The following ENDOV variants were observed in gnomAD, a reference collection of about 807,000 sequenced individuals.
ENDOV encodes endonuclease V.
A neutral mutation model predicts 39.4 loss-of-function variants in ENDOV; 37 were observed. The ratio of observed to expected loss-of-function variants is 0.94; its 90% CI spans 0.72 to 1.23. The LOEUF is 1.23. ENDOV is among the 50% of genes most tolerant of loss of function. ENDOV has a pLI of 0.00. For missense variants in ENDOV, 441 were observed against 375.7 expected (o/e 1.17, Z -1.44); for synonymous variants, 186 against 163.4 (o/e 1.14, Z -1.05).
intron 5 of ENDOV, chr17:80,423,840 C>T: frequency 1.8e-6 from 1 of 565,722 alleles, no homozygotes; most frequent in Admixed American, 3.2e-5. Flanking sequence ...TCCTCTCCTG[C>T]CTCCTGGGTG....
intron 2 of ENDOV, chr17:80,418,540 T>C (rs966482673): frequency 1.3e-5 from 2 of 152,220 alleles, no homozygotes; most frequent in Admixed American, 6.5e-5. Context: ...CTATGAAAGC[T>C]TAGACTAGGA....
At chr17:80,432,132 A>G (rs1322030709) in intron 9 of ENDOV, among the ~76,000 whole-genome samples, 2 of 152,182 alleles carry the variant, frequency 1.3e-5, no homozygotes, top group African/African-American at 4.8e-5. Flanking sequence ...CGAGAGCTGC[A>G]GCCGTGTCCA....
chr17:80,425,973 C>T (rs993317960), intron 7 of ENDOV, among the ~76,000 whole-genome samples: 4 of 152,220 alleles, frequency 2.6e-5, no homozygotes, highest in African/African-American at 9.6e-5. Context: ...GCCAGCCCCT[C>T]AGGTCCCAGA....
At chr17:80,421,199 G>C (rs906544234) in intron 2 of ENDOV, among the ~76,000 whole-genome samples, 6 of 146,270 alleles carry the variant, frequency 4.1e-5, no homozygotes, top group African/African-American at 1.5e-4. Flanking sequence ...CTCCTCCTAT[G>C]GACTAGATTC....
chr17:80,419,757 A>T, intron 2 of ENDOV: 1 of 684,752 alleles, frequency 1.5e-6, no homozygotes, highest in Non-Finnish European at 2.7e-6. Context: ...CGTTCACACA[A>T]TCCATCTTTC....
chr17:80,432,999 C>T (rs1170978695), intron 9 of ENDOV, among the ~76,000 whole-genome samples: 1 of 152,200 alleles, frequency 6.6e-6, no homozygotes, highest in Admixed American at 6.5e-5. Flanking sequence ...GCCAGTAGGA[C>T]CCTTGGGAGG....
rs767064884 is a variant in ENDOV at position 80,421,688 on chromosome 17, CAT to C, written c.229-138_229-137del. On this transcript the variant is annotated intron_variant, in intron 2 of 9. Transcript: ENST00000518137. ...GTTCCTTCTTCCAAACCCATCATCTCATAGGTGAGGCAGGGAAGGGGAGCCAT... is the reference window on the plus strand; with the variant it reads ...GTTCCTTCTTCCAAACCCATCATCTCAGGTGAGGCAGGGAAGGGGAGCCAT... 943 of 1,161,896 alleles carry C rather than the reference CAT, an allele frequency of 8.1e-4. 1 individual carries two copies. Among genetic ancestry groups the C allele is most frequent in the Non-Finnish European group, 1.0e-3 (863 of 829,978 alleles). 72.0% of individuals were successfully genotyped at this position (1,161,896 alleles called of 1,614,324 possible). A position where few individuals can be genotyped will look rare whatever the true frequency, so the allele number is the denominator to read the frequency against.
At chr17:80,431,483 C>T (rs1164316017) in intron 9 of ENDOV, among the ~76,000 whole-genome samples, 1 of 152,206 alleles carries the variant, frequency 6.6e-6, no homozygotes, top group African/African-American at 2.4e-5. Context: ...GCTCTGCGGG[C>T]ACCTTGTGCC....
In ENDOV at chr17:80,436,119, G is replaced by C. The variant is rs2083579490; in HGVS notation, c.839-14G>C. The stretch of plus-strand genomic sequence containing the variant: ...TTCTTTTTCTTGCCTCATTGCTCTG[G>C]CTGGAACGTCTAGCACTTTGTTGAA... On this transcript the variant is annotated splice_polypyrimidine_tract_variant and intron_variant, in intron 9 of 9. Transcript: ENST00000518137. 1 of 1,610,496 alleles carries C rather than the reference G, an allele frequency of 6.2e-7. No homozygotes were observed. Among genetic ancestry groups the C allele is most frequent in the Non-Finnish European group, 8.5e-7 (1 of 1,179,306 alleles).
chr17:80,418,823 T>C (rs762602960), intron 2 of ENDOV: 1 of 152,150 alleles, frequency 6.6e-6, no homozygotes, highest in Admixed American at 6.5e-5. Context: ...TCGCATTATA[T>C]GTTTTAAACA....
intron 9 of ENDOV, among the ~76,000 whole-genome samples, chr17:80,432,822 A>ACCCAGGTT (rs2083410316): frequency 6.6e-6 from 1 of 152,018 alleles, no homozygotes; most frequent in Non-Finnish European, 1.5e-5. Context: ...GCCCAGCAGT[A>ACCCAGGTT]CCCAGGTTTC....
intron 3 of ENDOV, 46 bp downstream of exon 3, chr17:80,422,008 C>T (rs2082105606): frequency 3.1e-6 from 5 of 1,597,152 alleles, no homozygotes; most frequent in South Asian, 2.2e-5. Context: ...CTCCTTCCCC[C>T]TGGGGGAGGG....
At chr17:80,423,920 T>G in intron 5 of ENDOV, 1 of 455,954 alleles carries the variant, frequency 2.2e-6, no homozygotes, top group Non-Finnish European at 3.9e-6. Flanking sequence ...GTCCTCCAGT[T>G]ACTGGGGACA....
intron 2 of ENDOV, among the ~76,000 whole-genome samples, chr17:80,419,046 A>G (rs2081580676): frequency 6.6e-6 from 1 of 151,442 alleles, no homozygotes; most frequent in African/African-American, 2.4e-5. Context: ...GGTGGCGGGC[A>G]CCTGTAGTCC....
At chr17:80,425,355 T>G (rs2082564976) in intron 6 of ENDOV, 137 bp from the exon 7 acceptor site, 2 of 1,316,252 alleles carry the variant, frequency 1.5e-6, no homozygotes, top group Admixed American at 5.2e-5. Context: ...GGGCAGGCCC[T>G]GGCCCCTGAG....
intron 9 of ENDOV, among the ~76,000 whole-genome samples, chr17:80,430,536 C>G (rs915687965): frequency 6.6e-6 from 1 of 152,214 alleles, no homozygotes; most frequent in Non-Finnish European, 1.5e-5. Flanking sequence ...GCTTTAGCAC[C>G]TGCTCACTGC....
intron 2 of ENDOV, among the ~76,000 whole-genome samples, chr17:80,419,250 A>T (rs936663568): frequency 6.6e-6 from 1 of 151,936 alleles, no homozygotes; most frequent in Non-Finnish European, 1.5e-5. Context: ...ATAGCATAAG[A>T]ATCTGCTTTT....
intron 7 of ENDOV, 90 bp from the exon 8 acceptor site, chr17:80,428,506 G>A (rs939823171): frequency 2.8e-5 from 36 of 1,293,024 alleles, no homozygotes; most frequent in Non-Finnish European, 3.7e-5. Flanking sequence ...GGGCTTCTGT[G>A]GGGGATGGAG....
chr17:80,434,157 T>C (rs2083476718), intron 9 of ENDOV, among the ~76,000 whole-genome samples: 1 of 152,034 alleles, frequency 6.6e-6, no homozygotes, highest in South Asian at 2.1e-4. Flanking sequence ...TCACCGTGTG[T>C]CTCTGGACAG....
Sources: gnomAD v4.1 joint callset for allele counts (sites outside exome capture counted in the v4.1 genomes callset) on GRCh38, gnomAD v4.1.1 for gene constraint, MANE v1.5 for transcripts, NCBI Gene and HGNC (gene_info 2026-07-23, HGNC 2026-07-21) for gene names.